Variants in UBN2 observed in about 807,000 individuals in gnomAD.
UBN2 encodes ubinuclein-2.
Under a neutral mutation model 120.2 loss-of-function variants are expected in UBN2, and 35 were observed. The ratio of observed to expected loss-of-function variants is 0.29; its 90% CI spans 0.22 to 0.39. The LOEUF (loss-of-function observed/expected upper bound fraction) is 0.39, where lower values mean the gene tolerates loss of function less well. Among genes scored for constraint, UBN2 ranks in the 10% least tolerant of loss-of-function variants. The pLI, the probability that UBN2 is intolerant of heterozygous loss-of-function variation, is 1.00. For missense variants in UBN2, 1,693 were observed against 1,663.2 expected (o/e 1.02, Z -0.31); for synonymous variants, 661 against 648.7 (o/e 1.02, Z -0.29).
intron 15 of UBN2, 34 bp downstream of exon 15, chr7:139,284,608 A>C (rs1174428497): frequency 9.2e-6 from 14 of 1,528,980 alleles, no homozygotes; most frequent in Non-Finnish European, 1.1e-5. Context: ...GTGATAAACT[A>C]TAAGATTGTA....
chr7:139,266,246 G>C, intron 6 of UBN2, 87 bp from the exon 7 acceptor site: 1 of 518,090 alleles, frequency 1.9e-6, no homozygotes, highest in Non-Finnish European at 3.2e-6. Flanking sequence ...AAAAAAAAAA[G>C]AAAAAAACCT....
intron 13 of UBN2, among the ~76,000 whole-genome samples, chr7:139,280,673 TCTCA>T (rs1797581172): frequency 6.6e-6 from 1 of 152,112 alleles, no homozygotes; most frequent in Non-Finnish European, 1.5e-5. Flanking sequence ...GGAGACAGAG[TCTCA>T]CTCTATCACC....
At chr7:139,243,256 G>C (rs1365718224) in intron 2 of UBN2, among the ~76,000 whole-genome samples, 1 of 152,154 alleles carries the variant, frequency 6.6e-6, no homozygotes, top group Non-Finnish European at 1.5e-5. Flanking sequence ...TAGATAAGAA[G>C]AAAGTTCTTC....
intron 2 of UBN2, among the ~76,000 whole-genome samples, chr7:139,250,378 G>A (rs1185545675): frequency 1.3e-5 from 2 of 151,894 alleles, no homozygotes; most frequent in Admixed American, 6.6e-5. Context: ...GACTACAGAC[G>A]CATGCCACCA....
chr7:139,239,150 C>T lies in UBN2; in HGVS notation c.561+2053C>T, dbSNP rs1796243079. ...TACTAGAGATACATCTCTATACATA[C>T]ACATCTATTCCTTTCCCACCCCCTT... On this transcript the variant is annotated intron_variant, in intron 2 of 17. Transcript: ENST00000473989. Among the ~76,000 whole-genome samples the T allele has an allele frequency of 1.3e-5, 2 of 152,178 alleles. 1 individual carries two copies. The highest frequency in any genetic ancestry group is 4.1e-4 in the South Asian group (2 of 4,834).
At chr7:139,266,030 A>G (rs994717885) in intron 6 of UBN2, among the ~76,000 whole-genome samples, 2 of 150,244 alleles carry the variant, frequency 1.3e-5, no homozygotes, top group African/African-American at 4.9e-5. Context: ...GTTCATCACA[A>G]CTCATTTGGT....
Position 139,284,387 on chromosome 7 carries a change from A to G in UBN2, c.3482A>G (p.Asn1161Ser), listed in dbSNP as rs1266661206. 6.2e-7 allele frequency: 1 copy of G among 1,614,238 alleles called. No individual in the cohort carries two copies. The highest frequency in any genetic ancestry group is 2.2e-5 in the East Asian group (1 of 44,882). The change falls in exon 15 of 18, where the codon AAC becomes AGC. Residue 1161 changes from asparagine to serine, a missense_variant. This residue lies in a region of UBN2 where 837 missense variants were observed against 817.6 expected (regional missense o/e 1.02). Coordinates refer to ENST00000473989, the MANE Select transcript of UBN2 (RefSeq NM_173569.4). ...NSSSTGTVGK[N>S]SLSGIAMNVP... ...TCATCCACTGGAACTGTTGGGAAGA[A>G]CAGCTTGAGTGGAATTGCAATGAAT...
chr7:139,233,116 T>A (rs1796073491), intron 1 of UBN2, among the ~76,000 whole-genome samples: 1 of 152,228 alleles, frequency 6.6e-6, no homozygotes, highest in Non-Finnish European at 1.5e-5. Flanking sequence ...TTGAACAATT[T>A]CACTAGGTTT....
At chr7:139,232,776 AT>A (rs544113583) in intron 1 of UBN2, among the ~76,000 whole-genome samples, 28 of 152,234 alleles carry the variant, frequency 1.8e-4, no homozygotes, top group Admixed American at 4.6e-4. Context: ...GATGAAAAAA[AT>A]GTCAGCTTTG....
intron 17 of UBN2, 34 bp downstream of exon 17, chr7:139,294,015 T>C: frequency 6.3e-7 from 1 of 1,587,634 alleles, no homozygotes; most frequent in Non-Finnish European, 8.6e-7. Context: ...TCTTTCTTAT[T>C]TGTATAGGCT....
intron 15 of UBN2, among the ~76,000 whole-genome samples, chr7:139,285,969 C>G (rs1292007565): frequency 6.6e-6 from 1 of 152,074 alleles, no homozygotes; most frequent in East Asian, 1.9e-4. Context: ...TCTCTGTTGC[C>G]AGGCTGGAGT....
Position 139,293,345 on chromosome 7 carries a change from T to C in UBN2, c.3783T>C (p.Val1261=). ...CTTTTGGGATGCTGGGTGGCCTTGT[T>C]CCAGTGACCATGCCCTTCCAGTTTC... is the stretch of plus-strand genomic sequence containing the variant. ...VTPFGMLGGL[V]PVTMPFQFPL... is the part of the protein sequence containing the mutation. Residue 1261 remains valine, a synonymous_variant, in exon 16 of 18, where the codon GTT becomes GTC. Transcript: ENST00000473989. 1 of 1,614,190 alleles carries C rather than the reference T, an allele frequency of 6.2e-7. No homozygotes were observed. Among genetic ancestry groups the C allele is most frequent in the Non-Finnish European group, 8.5e-7 (1 of 1,180,030 alleles).
chr7:139,261,276 G>A lies in UBN2; in HGVS notation c.930G>A (p.Lys310=). The change falls in exon 6 of 18, where the codon AAG becomes AAA. Residue 310 remains lysine (K), a synonymous_variant. Transcript: ENST00000473989. ...GAGTTGTGGCTCTAAATTCACACAAGTCTGAAAAAAAGAAGAAACGTTATA... is the reference window on the plus strand; with the variant it reads ...GAGTTGTGGCTCTAAATTCACACAAATCTGAAAAAAAGAAGAAACGTTATA... The part of the protein sequence containing the change: ...QLGVVALNSH[K]SEKKKKRYKD... 6.2e-7 allele frequency: 1 copy of A among 1,609,686 alleles called. No individual in the cohort carries two copies. Among genetic ancestry groups the A allele is most frequent in the Non-Finnish European group, 8.5e-7 (1 of 1,178,600 alleles).
chr7:139,251,858 T>C, intron 2 of UBN2, 98 bp from the exon 3 acceptor site: 1 of 1,122,270 alleles, frequency 8.9e-7, no homozygotes, highest in Non-Finnish European at 1.3e-6. Context: ...AGAGGGGGAC[T>C]ATCTGCAAAA....
At chr7:139,232,241 T>C (rs901543567) in intron 1 of UBN2, among the ~76,000 whole-genome samples, 2 of 152,236 alleles carry the variant, frequency 1.3e-5, no homozygotes, top group African/African-American at 2.4e-5. Flanking sequence ...AACCTCAGAT[T>C]TTCCTTCTTT....
At chr7:139,259,931 T>C (rs1473519866) in intron 5 of UBN2, among the ~76,000 whole-genome samples, 3 of 151,966 alleles carry the variant, frequency 2.0e-5, no homozygotes, top group African/African-American at 7.3e-5. Flanking sequence ...GTATTTTTAG[T>C]AGAGAATATT....
chr7:139,250,102 A>T (rs983706654), intron 2 of UBN2, among the ~76,000 whole-genome samples: 1 of 152,100 alleles, frequency 6.6e-6, no homozygotes, highest in African/African-American at 2.4e-5. Flanking sequence ...TAAGATGGGT[A>T]CCATAGCTTG....
At chr7:139,271,761 C>T (rs1184258412) in intron 8 of UBN2, among the ~76,000 whole-genome samples, 2 of 152,010 alleles carry the variant, frequency 1.3e-5, no homozygotes, top group East Asian at 1.9e-4. Context: ...CTTTTTTGCC[C>T]TGAAAACGCA....
At chr7:139,311,553 C>T (rs191326849), downstream of UBN2, among the ~76,000 whole-genome samples, 35 of 152,294 alleles carry the variant, frequency 2.3e-4, 1 homozygote, top group Admixed American at 2.0e-3. Flanking sequence ...GTGTATTGGT[C>T]GGATTAGAGA....
Sources: gnomAD v4.1 joint callset for allele counts (sites outside exome capture counted in the v4.1 genomes callset) on GRCh38, gnomAD v4.1.1 for gene constraint, gnomAD v4.1.1 regional missense constraint, MANE v1.5 for transcripts, NCBI Gene and HGNC (gene_info 2026-07-23, HGNC 2026-07-21) for gene names.